The following POLR3B variants were observed in gnomAD, a reference collection of about 807,000 sequenced individuals.
The protein encoded by POLR3B is RNA polymerase III subunit B, also known as DNA-directed RNA polymerase III subunit RPC2.
POLR3B carries 96 observed loss-of-function variants against 147.4 expected under a neutral mutation model. The observed-to-expected ratio is 0.65, with a 90% CI of 0.55 to 0.77. The LOEUF (loss-of-function observed/expected upper bound fraction) is 0.77, where lower values mean the gene tolerates loss of function less well. POLR3B is among the 30% of genes least tolerant of loss of function. The pLI, the probability that POLR3B is intolerant of heterozygous loss-of-function variation, is 0.00. For synonymous variants in POLR3B, 461 were observed against 485.9 expected (o/e 0.95, Z 0.67); for missense variants, 1,036 against 1,413.5 (o/e 0.73, Z 4.28).
At chr12:106,457,533 A>T (rs1248428472) in intron 21 of POLR3B, among the ~76,000 whole-genome samples, 1 of 152,200 alleles carries the variant, frequency 6.6e-6, no homozygotes, top group Admixed American at 6.5e-5. Context: ...ATAATTTTGA[A>T]TAATAGAAAA....
In POLR3B at chr12:106,457,146, C is replaced by T. The variant is rs371453512; in HGVS notation, c.2302C>T (p.Arg768Cys). The T allele has an allele frequency of 1.8e-5, 29 of 1,612,466 alleles. No homozygotes were observed. The highest frequency in any genetic ancestry group is 1.8e-5 in the Non-Finnish European group (21 of 1,178,906). Reference protein sequence around the residue: ...NKASLDRGFGRCLVYKNAKCT... With the variant: ...NKASLDRGFGCCLVYKNAKCT... ...TCTTGGTTTCATTTTAGGCTTTGGG[C>T]GTTGCCTTGTATATAAAAATGCTAA... The change falls in exon 21 of 28, where the codon CGT becomes TGT. Residue 768 changes from arginine (R) to cysteine (C), a missense_variant. This residue lies in a region of POLR3B where 202 missense variants were observed against 272.8 expected (regional missense o/e 0.74). Coordinates refer to ENST00000228347, the MANE Select transcript of POLR3B (RefSeq NM_018082.6).
At chr12:106,445,966 C>T (rs910430790) in intron 19 of POLR3B, among the ~76,000 whole-genome samples, 1 of 152,130 alleles carries the variant, frequency 6.6e-6, no homozygotes, top group Admixed American at 6.6e-5. Flanking sequence ...AGCATTTTAT[C>T]CTGCTGGTAT....
chr12:106,476,124 GA>G (rs1454565164), intron 23 of POLR3B, among the ~76,000 whole-genome samples: 1 of 132,166 alleles, frequency 7.6e-6, no homozygotes, highest in Admixed American at 7.7e-5. Flanking sequence ...CTTCACTTAT[GA>G]AGCTTAGTTT....
At chr12:106,489,529 A>T (rs1194077188) in intron 23 of POLR3B, among the ~76,000 whole-genome samples, 2 of 152,228 alleles carry the variant, frequency 1.3e-5, no homozygotes, top group Non-Finnish European at 2.9e-5. Flanking sequence ...TCTTAGAAGA[A>T]AAGAAAACCT....
intron 23 of POLR3B, among the ~76,000 whole-genome samples, chr12:106,471,805 AT>A: frequency 6.6e-6 from 1 of 152,052 alleles, no homozygotes; most frequent in Non-Finnish European, 1.5e-5. Context: ...GATTGATTTT[AT>A]TCAGGTTTTA....
intron 15 of POLR3B, among the ~76,000 whole-genome samples, chr12:106,433,003 C>T (rs1178193432): frequency 1.3e-5 from 2 of 152,170 alleles, no homozygotes; most frequent in Admixed American, 6.5e-5. Context: ...TTCCTTTCTG[C>T]TTTTGATTTG....
intron 10 of POLR3B, among the ~76,000 whole-genome samples, chr12:106,393,606 G>A (rs1416056904): frequency 2.0e-5 from 3 of 148,884 alleles, no homozygotes; most frequent in African/African-American, 7.4e-5. Flanking sequence ...GTTGTATGTG[G>A]TTTCTATTTC....
chr12:106,487,724 C>T (rs1013975881), intron 23 of POLR3B, among the ~76,000 whole-genome samples: 3 of 152,104 alleles, frequency 2.0e-5, no homozygotes, highest in Non-Finnish European at 1.5e-5. Flanking sequence ...CAAGCCTGAT[C>T]GCTTCAAAGG....
At chr12:106,470,653 T>G (rs1262904360) in intron 23 of POLR3B, among the ~76,000 whole-genome samples, 1 of 152,092 alleles carries the variant, frequency 6.6e-6, no homozygotes, top group Non-Finnish European at 1.5e-5. Flanking sequence ...TGGATGTCCT[T>G]TTTGTTGACG....
intron 9 of POLR3B, among the ~76,000 whole-genome samples, chr12:106,384,325 G>A (rs2036805274): frequency 6.6e-6 from 1 of 152,142 alleles, no homozygotes; most frequent in Non-Finnish European, 1.5e-5. Context: ...TAGTTATCAA[G>A]CAAAATAAAA....
Position 106,496,100 on chromosome 12 carries a change from A to T in POLR3B, c.2759A>T (p.Asp920Val), listed in dbSNP as rs771954727. ...CCCCAGGAAGACATGCCATTTTGTG[A>T]TTCTGGCATCTGTCCGGACATCATC... The part of the protein sequence containing the change: ...IVPQEDMPFC[D>V]SGICPDIIMN... Residue 920 changes from aspartate (D) to valine (V), a missense_variant, in exon 24 of 28, where the codon GAT (aspartate) becomes GTT (valine). Asp to Val is a radical substitution (Grantham distance 152, BLOSUM62 -3). This residue lies in a region of POLR3B where 15 missense variants were observed against 38.1 expected (regional missense o/e 0.39). Coordinates refer to ENST00000228347, the MANE Select transcript of POLR3B (RefSeq NM_018082.6). 1.9e-6 allele frequency: 3 copies of T among 1,613,278 alleles called. No homozygotes were observed. The South Asian group carries it at 3.3e-5, about 18-fold the overall frequency.
intron 2 of POLR3B, among the ~76,000 whole-genome samples, chr12:106,364,115 T>C (rs1390869742): frequency 6.6e-6 from 1 of 152,230 alleles, no homozygotes; most frequent in East Asian, 1.9e-4. Context: ...TAGTAGTACA[T>C]GCACAGTAGC....
At chr12:106,367,569 G>A (rs557642928) in intron 4 of POLR3B, among the ~76,000 whole-genome samples, 1 of 152,300 alleles carries the variant, frequency 6.6e-6, no homozygotes, top group East Asian at 1.9e-4. Context: ...ATTTGTAGAA[G>A]TTCCTTTAAT....
chr12:106,495,873 C>T, intron 23 of POLR3B, 182 bp from the exon 24 acceptor site: 2 of 695,506 alleles, frequency 2.9e-6, no homozygotes, highest in Non-Finnish European at 2.6e-6. Flanking sequence ...CAAGGAGAGT[C>T]GTTTTTGAAC....
chr12:106,384,226 A>G (rs978018826), intron 9 of POLR3B, among the ~76,000 whole-genome samples: 1 of 152,220 alleles, frequency 6.6e-6, no homozygotes, highest in Non-Finnish European at 1.5e-5. Context: ...GATAAAAATG[A>G]TATGTACCTG....
intron 16 of POLR3B, among the ~76,000 whole-genome samples, chr12:106,434,112 A>G (rs750439689): frequency 6.6e-6 from 1 of 152,210 alleles, no homozygotes; most frequent in Admixed American, 6.5e-5. Flanking sequence ...AAAATGACTA[A>G]TAACAATCAA....
chr12:106,405,281 T>C (rs1205206689), intron 10 of POLR3B, among the ~76,000 whole-genome samples: 1 of 152,214 alleles, frequency 6.6e-6, no homozygotes, highest in Non-Finnish European at 1.5e-5. Flanking sequence ...GCTAAGCGTA[T>C]AATGAACAGT....
At chr12:106,439,866 GGGCAA>G (rs1299893024) in intron 18 of POLR3B, among the ~76,000 whole-genome samples, 1 of 151,888 alleles carries the variant, frequency 6.6e-6, no homozygotes, top group Non-Finnish European at 1.5e-5. Context: ...AGATCAACCT[GGGCAA>G]CACAGTGAGA....
At position 106,382,426 on chromosome 12, in the gene POLR3B, A is replaced by G. The variant is rs906635318; in HGVS notation, c.723+2287A>G. Among the ~76,000 whole-genome samples the G allele has an allele frequency of 5.3e-5, 8 of 152,346 alleles. No homozygotes were observed. In the East Asian group the frequency reaches 1.5e-3, roughly 29 times the overall value. On this transcript the variant is annotated intron_variant, in intron 9 of 27. Transcript: ENST00000228347. ...ATCTAGAAAAGAGTGAATCCTTTGT[A>G]GAAGGTTTCCAGTTTATTTTGTCCA...
Sources: allele counts gnomAD v4.1 joint callset (sites outside exome capture counted in the v4.1 genomes callset), GRCh38; gene constraint gnomAD v4.1.1; regional missense constraint gnomAD v4.1.1; transcripts MANE v1.5; gene names NCBI Gene and HGNC (gene_info 2026-07-23, HGNC 2026-07-21).